PLCH1: variants seen among roughly 807,000 people sequenced by gnomAD.
PLCH1 encodes the protein phospholipase C eta 1, also known as 1-phosphatidylinositol 4,5-bisphosphate phosphodiesterase eta-1.
A neutral mutation model predicts 126.7 loss-of-function variants in PLCH1; 60 were observed. The ratio of observed to expected loss-of-function variants is 0.47; its 90% confidence interval spans 0.38 to 0.59. PLCH1 has a LOEUF of 0.59. Among genes scored for constraint, PLCH1 ranks in the 20% least tolerant of loss-of-function variants. The pLI, the probability that PLCH1 is intolerant of heterozygous loss-of-function variation, is 0.00. For synonymous variants in PLCH1, 719 were observed against 734.9 expected, an observed-to-expected ratio of 0.98 and a Z score of 0.35; for missense variants, 1,723 against 2,040.0, an observed-to-expected ratio of 0.84 and a Z score of 2.99.
intron 21 of PLCH1, among the ~76,000 whole-genome samples, chr3:155,460,199 C>A (rs1452568228): frequency 1.3e-5 from 2 of 152,136 alleles, no homozygotes; most frequent in East Asian, 3.8e-4. Flanking sequence ...GCTCACAGAT[C>A]TAGAACCCAG....
intron 2 of PLCH1, among the ~76,000 whole-genome samples, chr3:155,703,679 A>G (rs960273533): frequency 9.9e-5 from 15 of 152,246 alleles, no homozygotes; most frequent in African/African-American, 3.1e-4. Flanking sequence ...AAGGACAGCA[A>G]TAAAAGTGGG....
At chr3:155,737,481 G>C (rs1288938417) in intron 1 of PLCH1, among the ~76,000 whole-genome samples, 2 of 151,756 alleles carry the variant, frequency 1.3e-5, no homozygotes, top group East Asian at 3.9e-4. Flanking sequence ...ACAAGCGTGA[G>C]CCACCATGCC....
intron 21 of PLCH1, among the ~76,000 whole-genome samples, chr3:155,458,453 G>GGAAGGAAGGAAAGAAAGAAA: frequency 3.5e-5 from 1 of 28,680 alleles, no homozygotes; most frequent in Non-Finnish European, 5.6e-5. Flanking sequence ...AAGGAAGGAA[G>GGAAGGAAGGAAAGAAAGAAA]GAAAGAAAGA....
Position 155,481,934 on chromosome 3 carries a change from T to A in PLCH1, c.4092A>T (p.Thr1364=). 1 of 1,614,148 alleles carries A rather than the reference T, an allele frequency of 6.2e-7. No homozygotes were observed. The highest frequency in any genetic ancestry group is 1.3e-5 in the African/African-American group (1 of 75,028). Residue 1364 remains threonine, a synonymous_variant, in exon 23 of 23, where the codon ACA becomes ACT. Coordinates refer to ENST00000460012, the MANE Select transcript of PLCH1 (RefSeq NM_014996.4). The surrounding 1 kb of genome is among the most constrained non-coding windows in gnomAD (Gnocchi z 4.2). ...TGCCCTCTCTCCTATATTCACAGGTTGTTAGAGAAAGATTTTCTGATTCTC... is the reference window on the plus strand; with the variant it reads ...TGCCCTCTCTCCTATATTCACAGGTAGTTAGAGAAAGATTTTCTGATTCTC... The part of the protein sequence containing the change: ...IDGESENLSL[T]TCEYRREGTS...
At chr3:155,523,103 T>C (rs911902646) in intron 11 of PLCH1, among the ~76,000 whole-genome samples, 3 of 151,718 alleles carry the variant, frequency 2.0e-5, no homozygotes, top group African/African-American at 7.3e-5. Context: ...GCCTCCGGAG[T>C]AGCTAGGACT....
chr3:155,611,356 C>T (rs1417241384), intron 2 of PLCH1, among the ~76,000 whole-genome samples: 1 of 152,030 alleles, frequency 6.6e-6, no homozygotes, highest in Non-Finnish European at 1.5e-5. Flanking sequence ...GGCCACTGCG[C>T]TCCAGCCTGG....
At position 155,658,335 on chromosome 3, in the gene PLCH1, C is replaced by A. The variant is rs956538288; in HGVS notation, c.79+45811G>T. 14 of 174,850 alleles carry A rather than the reference C, an allele frequency of 8.0e-5. 1 individual carries two copies. The highest frequency in any genetic ancestry group is 2.5e-5 in the Non-Finnish European group (2 of 79,112). 10.8% of individuals were successfully genotyped at this position (174,850 alleles called of 1,614,324 possible). On this transcript the variant is annotated intron_variant, in intron 2 of 22. Coordinates refer to ENST00000460012, the MANE Select transcript of PLCH1 (RefSeq NM_014996.4). ...CTCAATCAAGTTCCTCTGTGAGGAGCACACCAGAAATTTGTCATCACCACC... is the reference window on the plus strand; with the variant it reads ...CTCAATCAAGTTCCTCTGTGAGGAGAACACCAGAAATTTGTCATCACCACC...
At chr3:155,612,131 A>G (rs1187030303) in intron 2 of PLCH1, among the ~76,000 whole-genome samples, 3 of 152,052 alleles carry the variant, frequency 2.0e-5, no homozygotes, top group Non-Finnish European at 4.4e-5. Flanking sequence ...AGCCTGGCCA[A>G]TGTGGTGAAA....
At chr3:155,682,475 A>C (rs1224717612) in intron 2 of PLCH1, among the ~76,000 whole-genome samples, 1 of 152,226 alleles carries the variant, frequency 6.6e-6, no homozygotes, top group East Asian at 1.9e-4. Context: ...CTAAATGCTC[A>C]ATTAAGGTAG....
At position 155,631,694 on chromosome 3, in the gene PLCH1, C is replaced by T. The variant is rs149966494; in HGVS notation, c.80-35316G>A. On this transcript the variant is annotated intron_variant, in intron 2 of 22. Transcript: ENST00000460012. ...ACAATTCAAACATCAGAATTTATCC[C>T]CACAATCCAGATCTGAAAAATGAAA... 5.9e-5 allele frequency among the ~76,000 whole-genome samples: 9 copies of T among 152,274 alleles called. No homozygotes were observed. The East Asian group carries it at 1.5e-3, about 26-fold the overall frequency.
At chr3:155,477,142 T>C (rs1048750991), downstream of PLCH1, among the ~76,000 whole-genome samples, 7 of 151,908 alleles carry the variant, frequency 4.6e-5, no homozygotes, top group African/African-American at 1.7e-4. Context: ...CAAGAACATA[T>C]GCTAAGGAAA....
At chr3:155,610,390 C>CAAAAA (rs1491267517) in intron 2 of PLCH1, among the ~76,000 whole-genome samples, 4 of 81,714 alleles carry the variant, frequency 4.9e-5, no homozygotes, top group African/African-American at 1.1e-4. Flanking sequence ...AAAAAAAAAA[C>CAAAAA]CATCACCTAG....
intron 8 of PLCH1, 54 bp downstream of exon 8, chr3:155,564,861 G>T: frequency 8.8e-7 from 1 of 1,135,616 alleles, no homozygotes; most frequent in South Asian, 1.2e-5. Flanking sequence ...TCGACAGACT[G>T]ATTAAAGGAC....
At chr3:155,526,827 T>C (rs1722015792) in intron 10 of PLCH1, among the ~76,000 whole-genome samples, 1 of 152,188 alleles carries the variant, frequency 6.6e-6, no homozygotes, top group African/African-American at 2.4e-5. Flanking sequence ...TTGGGGTAAT[T>C]TGCTATGCAG....
rs1409230544 is a variant in PLCH1, at chr3:155,497,430, C to T, written c.1797-13G>A. The T allele has an allele frequency of 6.4e-7, 1 of 1,571,004 alleles. No homozygotes were observed. The highest frequency in any genetic ancestry group is 8.8e-7 in the Non-Finnish European group (1 of 1,141,020). On this transcript the variant is annotated splice_polypyrimidine_tract_variant and intron_variant, in intron 14 of 22. Transcript: ENST00000460012. ...TCGGCGACCCAATCTGTGAAGTACC[C>T]ACAGAGGATGCATGACATTTTGGAG... is the stretch of plus-strand genomic sequence containing the variant.
At chr3:155,605,285 C>T (rs1184478635) in intron 2 of PLCH1, among the ~76,000 whole-genome samples, 1 of 152,168 alleles carries the variant, frequency 6.6e-6, no homozygotes, top group Non-Finnish European at 1.5e-5. Context: ...CTTAAAAGGT[C>T]TCATGCTACC....
At chr3:155,620,182 T>C (rs1736286329) in intron 2 of PLCH1, among the ~76,000 whole-genome samples, 1 of 152,112 alleles carries the variant, frequency 6.6e-6, no homozygotes, top group Non-Finnish European at 1.5e-5. Flanking sequence ...TATGCATAGA[T>C]AATAAGAGCA....
intron 2 of PLCH1, among the ~76,000 whole-genome samples, chr3:155,682,829 T>C (rs1387102078): frequency 1.3e-5 from 2 of 152,198 alleles, no homozygotes; most frequent in African/African-American, 4.8e-5. Context: ...ACCCAGTGTA[T>C]TACAAAAATT....
At position 155,488,694 on chromosome 3, in the gene PLCH1, T is replaced by C. The variant is rs754693676; in HGVS notation, c.2505A>G (p.Gly835=). 6.2e-7 allele frequency: 1 copy of C among 1,613,896 alleles called. No individual in the cohort carries two copies. Among genetic ancestry groups the C allele is most frequent in the South Asian group, 1.1e-5 (1 of 90,998 alleles). The change falls in exon 20 of 23, where the codon GGA becomes GGG. Residue 835 remains glycine (G), a synonymous_variant. Transcript: ENST00000460012. ...AGCTGCTGAAGGTCACAGTTCTTTG[T>C]CCAACAAAGTCTCGTCCAATGGGAT... ...DHDPIGRDFV[G]QRTVTFSSLV... is the part of the protein sequence containing the mutation.
Sources: allele counts gnomAD v4.1 joint callset (sites outside exome capture counted in the v4.1 genomes callset), GRCh38; gene constraint gnomAD v4.1.1; non-coding constraint Gnocchi (gnomAD v3.1); transcripts MANE v1.5; gene names NCBI Gene and HGNC (gene_info 2026-07-23, HGNC 2026-07-21).